Variants in STKLD1 observed in about 807,000 individuals in gnomAD.
STKLD1 encodes the protein serine/threonine kinase-like domain-containing protein STKLD1.
STKLD1 carries 79 observed loss-of-function variants against 80.4 expected under a neutral mutation model. That is an observed-to-expected ratio of 0.98 (90% CI 0.82 to 1.19). STKLD1 has a LOEUF of 1.19. Ranked by LOEUF, STKLD1 falls within the 50% of genes most tolerant of loss-of-function variation. The probability of loss-of-function intolerance (pLI) is 0.00; values close to 1 mark genes in which losing one functional copy is unlikely to be tolerated. For missense variants in STKLD1, 841 were observed against 856.0 expected, an observed-to-expected ratio of 0.98 and a Z score of 0.22; for synonymous variants, 393 against 357.6, an observed-to-expected ratio of 1.10 and a Z score of -1.12.
intron 11 of STKLD1, among the ~76,000 whole-genome samples, chr9:133,398,845 TTTTGTTTG>T (rs782721343): frequency 4.6e-5 from 7 of 151,712 alleles, no homozygotes; most frequent in Admixed American, 3.9e-4. Flanking sequence ...TTTTTTTTGT[TTTTGTTTG>T]TTTGTTTGTT....
chr9:133,395,778 G>A lies in STKLD1; in HGVS notation c.866+15G>A, dbSNP rs782675517. On this transcript the variant is annotated intron_variant, in intron 9 of 17. Transcript: ENST00000371957. ...ATAACGATAAAGTGAGCTCAGGGTC[G>A]GGGTTTATTTTAACCTGTGGATTTA... 20 of 1,611,996 alleles carry A rather than the reference G, an allele frequency of 1.2e-5. No individual in the cohort carries two copies. Among genetic ancestry groups the A allele is most frequent in the Middle Eastern group, 1.7e-4 (1 of 6,054 alleles).
At position 133,390,238 on chromosome 9, in the gene STKLD1, CA is replaced by C. The variant is rs1838357023; in HGVS notation, c.468-442del. ...ACACACACACACACACACACACACA[CA>C]CACACACACACACCACGCAGACCAT... is the stretch of plus-strand genomic sequence containing the variant. On this transcript the variant is annotated intron_variant, in intron 6 of 17. Transcript: ENST00000371957. This position sits in a 1 kb window ranked among gnomAD's most constrained non-coding sequence, Gnocchi z 5.1. Among the ~76,000 whole-genome samples, 5 of 141,620 alleles carry C rather than the reference CA, an allele frequency of 3.5e-5. No individual in the cohort carries two copies. Among genetic ancestry groups the C allele is most frequent in the African/African-American group, 1.4e-4 (5 of 35,642 alleles). 92.9% of individuals were successfully genotyped at this position (141,620 alleles called of 152,430 possible). A position where few individuals can be genotyped will look rare whatever the true frequency, so the allele number is the denominator to read the frequency against.
intron 13 of STKLD1, among the ~76,000 whole-genome samples, chr9:133,402,567 TG>T (rs782355639): frequency 9.9e-5 from 15 of 152,248 alleles, no homozygotes; most frequent in Non-Finnish European, 1.6e-4. Flanking sequence ...GGTTCCATCC[TG>T]GAAGGCACAG....
chr9:133,403,651 C>A (rs1564385709), intron 14 of STKLD1, 49 bp from the exon 15 acceptor site: 1 of 1,589,494 alleles, frequency 6.3e-7, no homozygotes, highest in Middle Eastern at 1.7e-4. Context: ...GGCCCCCCTG[C>A]ACACACCCAA....
intron 2 of STKLD1, among the ~76,000 whole-genome samples, chr9:133,382,515 T>C (rs1043382325): frequency 6.6e-6 from 1 of 150,480 alleles, no homozygotes; most frequent in Non-Finnish European, 1.5e-5. Context: ...GCAGTGATGA[T>C]GGTGATGATG....
At chr9:133,386,432 C>T (rs905917506) in intron 4 of STKLD1, among the ~76,000 whole-genome samples, 7 of 152,236 alleles carry the variant, frequency 4.6e-5, no homozygotes, top group African/African-American at 7.2e-5. Flanking sequence ...AGTTGACCTC[C>T]GTCTCCACAG....
intron 11 of STKLD1, among the ~76,000 whole-genome samples, chr9:133,398,804 C>A (rs904523744): frequency 4.6e-5 from 7 of 151,982 alleles, no homozygotes; most frequent in African/African-American, 1.7e-4. Context: ...ATTGTTACTG[C>A]TCATTCATGG....
At chr9:133,386,601 C>G (rs1474219736) in intron 4 of STKLD1, among the ~76,000 whole-genome samples, 1 of 152,226 alleles carries the variant, frequency 6.6e-6, no homozygotes, top group East Asian at 1.9e-4. Flanking sequence ...GGCTCCGGTT[C>G]AGGAGCTCTC....
rs1838825489 is a variant in STKLD1 at position 133,405,327 on chromosome 9, G to A, written c.1949G>A (p.Ser650Asn). Residue 650 changes from serine (S) to asparagine (N), a missense_variant, in exon 18 of 18, where the codon AGC (serine) becomes AAC (asparagine). Transcript: ENST00000371957. ...GAGATCAAGGAGCGCTTCACCTCCAGCCTGGTGAGTGACAGCAGCGCCTTC... is the reference window on the plus strand; with the variant it reads ...GAGATCAAGGAGCGCTTCACCTCCAACCTGGTGAGTGACAGCAGCGCCTTC... ...LQEIKERFTS[S>N]LVSDSSAFSK... 6.2e-7 allele frequency: 1 copy of A among 1,612,852 alleles called. No homozygotes were observed. The highest frequency in any genetic ancestry group is 8.5e-7 in the Non-Finnish European group (1 of 1,179,938).
chr9:133,392,419 GT>G (rs1838421115), intron 7 of STKLD1, among the ~76,000 whole-genome samples: 1 of 151,616 alleles, frequency 6.6e-6, no homozygotes, highest in Non-Finnish European at 1.5e-5. Context: ...TGGGTGTGTG[GT>G]TTGGTGGGTG....
At chr9:133,388,786 G>T (rs1588742971) in intron 5 of STKLD1, 2 of 985,216 alleles carry the variant, frequency 2.0e-6, no homozygotes, top group Non-Finnish European at 2.4e-6. Context: ...ACTGTGTTTG[G>T]GGGGACCATG....
chr9:133,401,071 T>C (rs1838691095), intron 12 of STKLD1, among the ~76,000 whole-genome samples: 1 of 152,112 alleles, frequency 6.6e-6, no homozygotes, highest in Non-Finnish European at 1.5e-5. Context: ...GAGCCTCCTA[T>C]GAGAGACATG....
chr9:133,399,428 C>A (rs28625799), intron 11 of STKLD1, among the ~76,000 whole-genome samples: 3 of 152,112 alleles, frequency 2.0e-5, no homozygotes, highest in South Asian at 2.1e-4. Flanking sequence ...TCCTCCTCTT[C>A]GACCCCTTTT....
At chr9:133,397,094 A>T in intron 9 of STKLD1, 70 bp from the exon 10 acceptor site, 1 of 1,602,070 alleles carries the variant, frequency 6.2e-7, no homozygotes, top group Non-Finnish European at 8.5e-7. Flanking sequence ...CCAGAGGCAG[A>T]GGGAGAGCCC....
rs183367243 is a variant in STKLD1, at chr9:133,379,391, T to A, written c.174+269T>A. ...TGCTGTATGCCAGGCACTGACTCAC[T>A]TCATCTCCCGTCAACCCTGTAAAGC... On this transcript the variant is annotated intron_variant, in intron 2 of 17. Coordinates refer to ENST00000371957, the MANE Select transcript of STKLD1 (RefSeq NM_153710.5). Among the ~76,000 whole-genome samples the A allele has an allele frequency of 9.8e-4, 150 of 152,326 alleles. 1 individual carries two copies. The highest frequency in any genetic ancestry group is 2.9e-3 in the Admixed American group (44 of 15,304).
At position 133,384,172 on chromosome 9, in the gene STKLD1, C is replaced by CTG; in HGVS notation, c.219+273_219+274insGT. 2.5e-6 allele frequency: 1 copy of CTG among 403,592 alleles called. No individual in the cohort carries two copies. Among genetic ancestry groups the CTG allele is most frequent in the Non-Finnish European group, 4.6e-6 (1 of 219,636 alleles). The allele number at this position is 403,592 out of a possible 1,614,324, so 25.0% of individuals were successfully genotyped here. ...TTAAATATTGGGCTGGGCACGGTGG[C>CTG]TCACATTTGTAATCCCACCACTTTG... On this transcript the variant is annotated intron_variant, in intron 3 of 17. Coordinates refer to ENST00000371957, the MANE Select transcript of STKLD1 (RefSeq NM_153710.5). The surrounding 1 kb of genome is among the most constrained non-coding windows in gnomAD (Gnocchi z 4.3).
chr9:133,385,764 A>G lies in STKLD1; in HGVS notation c.294+73A>G. 1 of 1,390,460 alleles carries G rather than the reference A, an allele frequency of 7.2e-7. No individual in the cohort carries two copies. The highest frequency in any genetic ancestry group is 1.0e-6 in the Non-Finnish European group (1 of 985,510). The allele number at this position is 1,390,460 out of a possible 1,614,324, so 86.1% of individuals were successfully genotyped here. On this transcript the variant is annotated intron_variant, in intron 4 of 17. Transcript: ENST00000371957. The surrounding 1 kb of genome is among the most constrained non-coding windows in gnomAD (Gnocchi z 4.9). ...GCAGGACCAAGCAGACTGAGCCCAG[A>G]GCACGCCCACCCCCCACTGTCAGAA...
Position 133,405,565 on chromosome 9 carries a change from T to C in STKLD1, c.*144T>C, listed in dbSNP as rs1838837063. ...TCAGACCTCTCCAAAGAGTTTCCTGTCCATGACTGCTGGATTGAGTCACAT... is the reference window on the plus strand; with the variant it reads ...TCAGACCTCTCCAAAGAGTTTCCTGCCCATGACTGCTGGATTGAGTCACAT... On this transcript the variant is annotated 3_prime_UTR_variant, in exon 18 of 18. Transcript: ENST00000371957. The C allele has an allele frequency of 1.3e-6, 1 of 778,068 alleles. No homozygotes were observed. Among genetic ancestry groups the C allele is most frequent in the African/African-American group, 1.8e-5 (1 of 55,656 alleles). 48.2% of individuals were successfully genotyped at this position (778,068 alleles called of 1,614,324 possible).
At chr9:133,392,310 G>T (rs1446710757) in intron 7 of STKLD1, among the ~76,000 whole-genome samples, 2 of 151,912 alleles carry the variant, frequency 1.3e-5, no homozygotes, top group Non-Finnish European at 2.9e-5. Context: ...CTCATGATCT[G>T]CCCACCTTGG....
Sources: gnomAD v4.1 joint callset for allele counts (sites outside exome capture counted in the v4.1 genomes callset) on GRCh38, gnomAD v4.1.1 for gene constraint, Gnocchi (gnomAD v3.1) non-coding constraint, MANE v1.5 for transcripts, NCBI Gene and HGNC (gene_info 2026-07-23, HGNC 2026-07-21) for gene names.